Variants in POMT2 observed in about 807,000 individuals in gnomAD.
POMT2 encodes the protein protein O-mannosyl-transferase 2.
A neutral mutation model predicts 100.0 loss-of-function variants in POMT2; 75 were observed. The observed-to-expected ratio is 0.75, with a 90% CI of 0.62 to 0.91. POMT2 has a LOEUF of 0.91. Ranked by LOEUF, POMT2 falls within the 40% of genes least tolerant of loss-of-function variation. The pLI is 0.00. For missense variants in POMT2, 940 were observed against 955.1 expected, an observed-to-expected ratio of 0.98 and a Z score of 0.21; for synonymous variants, 378 against 374.1, an observed-to-expected ratio of 1.01 and a Z score of -0.12.
At chr14:77,279,112 G>A in intron 18 of POMT2, 1 of 594,616 alleles carries the variant, frequency 1.7e-6, no homozygotes, top group Middle Eastern at 4.1e-4. Flanking sequence ...GCAGGAGGCA[G>A]CCCAGCCTCT....
intron 2 of POMT2, chr14:77,307,042 A>G (rs1008363118): frequency 1.3e-5 from 2 of 158,412 alleles, no homozygotes; most frequent in African/African-American, 4.8e-5. Context: ...CTCCCAAGCC[A>G]GAACAAATCA....
intron 2 of POMT2, among the ~76,000 whole-genome samples, chr14:77,308,353 T>C (rs1481831932): frequency 1.8e-5 from 2 of 113,574 alleles, no homozygotes; most frequent in African/African-American, 6.4e-5. Flanking sequence ...ACAAAGTTTT[T>C]TTGTTTTTTT....
At chr14:77,286,687 C>T (rs914475169) in intron 12 of POMT2, 57 bp downstream of exon 12, 2 of 1,608,174 alleles carry the variant, frequency 1.2e-6, no homozygotes, top group Non-Finnish European at 1.7e-6. Context: ...CACCACACAG[C>T]CCTGAGCCAA....
chr14:77,294,044 A>G (rs1890736179), intron 9 of POMT2, among the ~76,000 whole-genome samples: 1 of 152,234 alleles, frequency 6.6e-6, no homozygotes, highest in Admixed American at 6.5e-5. Context: ...TAGATCAATT[A>G]AATCATAATC....
chr14:77,318,849 C>T (rs556832037), intron 1 of POMT2, among the ~76,000 whole-genome samples: 1 of 151,922 alleles, frequency 6.6e-6, no homozygotes, highest in South Asian at 2.1e-4. Context: ...GATTCTCCCA[C>T]CTCAGCCTCC....
intron 1 of POMT2, among the ~76,000 whole-genome samples, chr14:77,314,292 T>C (rs756611149): frequency 1.3e-5 from 2 of 152,312 alleles, no homozygotes; most frequent in East Asian, 1.9e-4. Context: ...AGCTACTGCA[T>C]GTGCAAGCAT....
chr14:77,280,246 GA>G lies in POMT2; in HGVS notation c.1725+145del, dbSNP rs535297389. 1.3e-4 allele frequency: 206 copies of G among 1,555,750 alleles called. 2 individuals are homozygous for G. The Middle Eastern group carries it at 1.3e-3, about 10-fold the overall frequency. ...GGGAAGCAGGGTCAGAATTAGGGCA[GA>G]AAACAGATACTCCCACCTCTGGCCA... On this transcript the variant is annotated intron_variant, in intron 16 of 20. Coordinates refer to ENST00000261534, the MANE Select transcript of POMT2 (RefSeq NM_013382.7).
Position 77,285,494 on chromosome 14 carries a change from C to G in POMT2, c.1471G>C (p.Val491Leu), listed in dbSNP as rs571153709. 2.1e-5 allele frequency: 34 copies of G among 1,614,156 alleles called. No homozygotes were observed. In the South Asian group the frequency reaches 3.7e-4, roughly 18 times the overall value. The change falls in exon 13 of 21, where the codon GTT (valine) becomes CTT (leucine). Residue 491 changes from valine (V) to leucine (L), a missense_variant. Coordinates refer to ENST00000261534, the MANE Select transcript of POMT2 (RefSeq NM_013382.7). ...CTAGAGACTTACCACTTGGGCAGAA[C>G]CTTTCCCGAGGAGCCCAGGACACAA... is the stretch of plus-strand genomic sequence containing the variant. ...TGCVLGSSGKVLPKWGWEQLE... is the reference protein window; with the variant it reads ...TGCVLGSSGKLLPKWGWEQLE...
intron 6 of POMT2, 130 bp downstream of exon 6, chr14:77,300,960 G>C: frequency 6.3e-7 from 1 of 1,581,910 alleles, no homozygotes; most frequent in Non-Finnish European, 8.6e-7. Context: ...GAGGTTGGGG[G>C]GTCCAGCCCA....
intron 12 of POMT2, among the ~76,000 whole-genome samples, chr14:77,285,869 G>T (rs961043402): frequency 1.3e-5 from 2 of 152,160 alleles, no homozygotes; most frequent in African/African-American, 4.8e-5. Flanking sequence ...CCTGGAACCA[G>T]AAGTCCAGGA....
chr14:77,316,656 G>A (rs1331148676), intron 1 of POMT2, among the ~76,000 whole-genome samples: 2 of 151,942 alleles, frequency 1.3e-5, no homozygotes, highest in African/African-American at 4.8e-5. Flanking sequence ...CTCCCACTCT[G>A]GGAGAAACAA....
chr14:77,287,181 A>G (rs1367763242), intron 11 of POMT2: 3 of 329,146 alleles, frequency 9.1e-6, no homozygotes, highest in African/African-American at 6.4e-5. Context: ...GGAAAAATTA[A>G]AACTTGTAAT....
chr14:77,289,315 C>T (rs1192766338), intron 10 of POMT2, among the ~76,000 whole-genome samples: 2 of 151,876 alleles, frequency 1.3e-5, no homozygotes, highest in East Asian at 1.9e-4. Context: ...CGCTTGAACC[C>T]GGGAGGCGGA....
At chr14:77,303,184 G>A (rs556194648) in intron 4 of POMT2, among the ~76,000 whole-genome samples, 8 of 152,264 alleles carry the variant, frequency 5.3e-5, no homozygotes, top group Non-Finnish European at 1.2e-4. Context: ...CAACCCAAGA[G>A]AGGATCATGT....
chr14:77,287,013 G>A, intron 11 of POMT2, 191 bp from the exon 12 acceptor site: 2 of 1,190,270 alleles, frequency 1.7e-6, no homozygotes, highest in Non-Finnish European at 2.3e-6. Context: ...GAGAAGAGAT[G>A]AGCCCAAACC....
At position 77,278,825 on chromosome 14, in the gene POMT2, C is replaced by T. The variant is rs767592155; in HGVS notation, c.1936G>A (p.Gly646Ser). Residue 646 changes from glycine to serine, a missense_variant, in exon 19 of 21, where the codon GGC becomes AGC. By Grantham distance (56) the Gly-to-Ser change is moderately conservative. Coordinates refer to ENST00000261534, the MANE Select transcript of POMT2 (RefSeq NM_013382.7). ...AACGGGAAGTAATGGAGTGTCCAGC[C>T]GAGCAGGACCTGGCCGCCTCCTCGA... is the stretch of plus-strand genomic sequence containing the variant. ...LLRGGGQVLLGWTLHYFPFFL... is the reference protein window; with the variant it reads ...LLRGGGQVLLSWTLHYFPFFL... 39 of 1,613,320 alleles carry T rather than the reference C, an allele frequency of 2.4e-5. No individual in the cohort carries two copies. Among genetic ancestry groups the T allele is most frequent in the Non-Finnish European group, 3.1e-5 (36 of 1,179,704 alleles).
In POMT2 at chr14:77,277,447, C is replaced by A. The variant is rs1367401943; in HGVS notation, c.2182G>T (p.Val728Phe). 3 of 1,614,046 alleles carry A rather than the reference C, an allele frequency of 1.9e-6. No homozygotes were observed. Among genetic ancestry groups the A allele is most frequent in the Admixed American group, 1.7e-5 (1 of 60,028 alleles). ...TGGGGGTCCTGGGCCAGGGGACCAA[C>A]CATCCCGTAAGCCAGAGGGTGGAAG... ...YLFHPLAYGM[V>F]GPLAQDPQSP... The change falls in exon 21 of 21, where the codon GTT becomes TTT. Residue 728 changes from valine (V) to phenylalanine (F), a missense_variant. By Grantham distance (50) the Val-to-Phe change is conservative (BLOSUM62 -1). Transcript: ENST00000261534.
chr14:77,278,172 G>T, intron 20 of POMT2: 1 of 568,230 alleles, frequency 1.8e-6, no homozygotes, highest in East Asian at 3.1e-5. Context: ...CCGGCAGAAG[G>T]GGAAAAGGCA....
chr14:77,311,059 G>T (rs902338405), intron 2 of POMT2, among the ~76,000 whole-genome samples: 55 of 152,208 alleles, frequency 3.6e-4, no homozygotes, highest in Admixed American at 3.6e-3. Context: ...CTTAAACTTG[G>T]GAAGCAGAAG....
Sources: gnomAD v4.1 joint callset for allele counts (sites outside exome capture counted in the v4.1 genomes callset) on GRCh38, gnomAD v4.1.1 for gene constraint, MANE v1.5 for transcripts, NCBI Gene and HGNC (gene_info 2026-07-23, HGNC 2026-07-21) for gene names.